B3GNT6: variants seen among roughly 807,000 people sequenced by gnomAD.
B3GNT6 encodes the protein UDP-GlcNAc:betaGal beta-1,3-N-acetylglucosaminyltransferase 6, also known as acetylgalactosaminyl-O-glycosyl-glycoprotein beta-1,3-N-acetylglucosaminyltransferase.
For missense variants in B3GNT6, 624 were observed against 568.6 expected (o/e 1.10, Z -0.99); for synonymous variants, 300 against 270.0 (o/e 1.11, Z -1.09).
intron 1 of B3GNT6, among the ~76,000 whole-genome samples, chr11:77,036,613 T>C (rs542318763): frequency 7.9e-5 from 12 of 152,362 alleles, no homozygotes; most frequent in Non-Finnish European, 1.5e-4. Context: ...CCAAGGACCA[T>C]AGTAAATTCT....
Position 77,039,751 on chromosome 11 carries a change from G to A in B3GNT6, c.200G>A (p.Gly67Glu). The change falls in exon 2 of 2, where the codon GGG (glycine) becomes GAG (glutamate). Residue 67 changes from glycine to glutamate, a missense_variant. Transcript: ENST00000622824. ...GAGCCGCCCTCGGAGCTCGTCCCCG[G>A]GCCCCCGTGCGTGGCGAACGCCTCG... ...ADEPPSELVP[G>E]PPCVANASAN... 1.9e-6 allele frequency: 3 copies of A among 1,596,666 alleles called. No individual in the cohort carries two copies. Among genetic ancestry groups the A allele is most frequent in the South Asian group, 1.1e-5 (1 of 90,096 alleles).
intron 1 of B3GNT6, among the ~76,000 whole-genome samples, chr11:77,036,968 C>T (rs955197148): frequency 3.3e-5 from 5 of 152,126 alleles, no homozygotes; most frequent in African/African-American, 1.2e-4. Flanking sequence ...CAAGTGGACC[C>T]AGAGACTGAG....
rs1555027614 is a variant in B3GNT6 at position 77,040,154 on chromosome 11, C to A, written c.603C>A (p.His201Gln). The change falls in exon 2 of 2, where the codon CAC (histidine) becomes CAA (glutamine). Residue 201 changes from histidine (H) to glutamine (Q), a missense_variant. His to Gln is a conservative substitution (Grantham distance 24). Coordinates refer to ENST00000622824, the MANE Select transcript of B3GNT6 (RefSeq NM_138706.5). ...CCTTCCTCAACCTCACGCTCAAGCA[C>A]CTGCACTTGCTCGACTGGCTGGCTG... Reference protein sequence around the residue: ...ADTFLNLTLKHLHLLDWLAAR... With the variant: ...ADTFLNLTLKQLHLLDWLAAR... The A allele has an allele frequency of 1.3e-6, 2 of 1,599,368 alleles. No individual in the cohort carries two copies. Among genetic ancestry groups the A allele is most frequent in the East Asian group, 2.2e-5 (1 of 44,842 alleles).
Position 77,039,696 on chromosome 11 carries a change from G to A in B3GNT6, c.145G>A (p.Glu49Lys), listed in dbSNP as rs782108962. 9 of 1,610,842 alleles carry A rather than the reference G, an allele frequency of 5.6e-6. No homozygotes were observed. The highest frequency in any genetic ancestry group is 7.6e-6 in the Non-Finnish European group (9 of 1,179,188). The part of the protein sequence containing the change: ...EERSPQEETP[E>K]GPTDAPAADE... ...GAGGTCCCCGCAGGAGGAGACGCCA[G>A]AGGGTCCCACCGACGCTCCCGCGGC... The change falls in exon 2 of 2, where the codon GAG becomes AAG. Residue 49 changes from glutamate (E) to lysine (K), a missense_variant. Physicochemically the swap from Glu to Lys is moderately conservative, Grantham distance 56 (BLOSUM62 1). Coordinates refer to ENST00000622824, the MANE Select transcript of B3GNT6 (RefSeq NM_138706.5).
chr11:77,041,257 C>G lies in B3GNT6; in HGVS notation c.*551C>G, dbSNP rs782122044. ...GAAGTCAGCCAACACGCAGCTGAGGCGCATGTGGTGGCCTTCTTCCCACCA... is the reference window on the plus strand; with the variant it reads ...GAAGTCAGCCAACACGCAGCTGAGGGGCATGTGGTGGCCTTCTTCCCACCA... On this transcript the variant is annotated 3_prime_UTR_variant, in exon 2 of 2. Transcript: ENST00000622824. The G allele has an allele frequency of 6.5e-6, 1 of 153,000 alleles. No homozygotes were observed. Among genetic ancestry groups the G allele is most frequent in the African/African-American group, 2.4e-5 (1 of 41,490 alleles). 9.5% of individuals were successfully genotyped at this position (153,000 alleles called of 1,614,324 possible).
chr11:77,040,574 G>A lies in B3GNT6; in HGVS notation c.1023G>A (p.Gln341=), dbSNP rs781931238. 5 of 1,590,198 alleles carry A rather than the reference G, an allele frequency of 3.1e-6. No homozygotes were observed. The highest frequency in any genetic ancestry group is 4.3e-6 in the Non-Finnish European group (5 of 1,175,644). The change falls in exon 2 of 2, where the codon CAG becomes CAA. Residue 341 remains glutamine (Q), a synonymous_variant. Transcript: ENST00000622824. ...GCGTGCAGCTGCCTGGCGCACAGCA[G>A]TCCTCCTTCGACCCCTGCATGTACC... ...PFGVQLPGAQ[Q]SSFDPCMYRE...
Position 77,040,485 on chromosome 11 carries a change from A to T in B3GNT6, c.934A>T (p.Met312Leu), listed in dbSNP as rs782011076. The change falls in exon 2 of 2, where the codon ATG becomes TTG. Residue 312 changes from methionine (M) to leucine (L), a missense_variant. Physicochemically the swap from Met to Leu is conservative, Grantham distance 15. Transcript: ENST00000622824. ...GCTCTTCCCCATCGACGACGCCTACATGGGCATGTGTCTGGAGCGCGCCGG... is the reference window on the plus strand; with the variant it reads ...GCTCTTCCCCATCGACGACGCCTACTTGGGCATGTGTCTGGAGCGCGCCGG... ...TPLFPIDDAY[M>L]GMCLERAGLA... The T allele has an allele frequency of 6.5e-7, 1 of 1,539,884 alleles. No individual in the cohort carries two copies. The highest frequency in any genetic ancestry group is 2.0e-5 in the Admixed American group (1 of 51,252).
chr11:77,039,907 T>A lies in B3GNT6; in HGVS notation c.356T>A (p.Leu119Gln). The A allele has an allele frequency of 5.0e-6, 8 of 1,592,562 alleles. No individual in the cohort carries two copies. The highest frequency in any genetic ancestry group is 6.8e-6 in the Non-Finnish European group (8 of 1,176,868). Residue 119 changes from leucine to glutamine, a missense_variant, in exon 2 of 2, where the codon CTG (leucine) becomes CAG (glutamine). Physicochemically the swap from Leu to Gln is moderately radical, Grantham distance 113 (BLOSUM62 -2). Transcript: ENST00000622824. Reference sequence around the variant, plus strand: ...TGCGCCGGCGGCCGAGGCGTGTTCCTGCTCCTGGCGGTGAAGTCGGCGCCT... The same window carrying A: ...TGCGCCGGCGGCCGAGGCGTGTTCCAGCTCCTGGCGGTGAAGTCGGCGCCT... ...AKCAGGRGVFLLLAVKSAPEH... is the reference protein window; with the variant it reads ...AKCAGGRGVFQLLAVKSAPEH...
chr11:77,038,674 A>G (rs1019746093), intron 1 of B3GNT6, among the ~76,000 whole-genome samples: 2 of 152,090 alleles, frequency 1.3e-5, no homozygotes, highest in African/African-American at 2.4e-5. Context: ...CTGACCTGGG[A>G]TTCGTCCTGG....
rs782445155 is a variant in B3GNT6 at position 77,039,838 on chromosome 11, G to T, written c.287G>T (p.Arg96Leu). Residue 96 changes from arginine to leucine, a missense_variant, in exon 2 of 2, where the codon CGC becomes CTC. Transcript: ENST00000622824. ...PARIQDFLRYRHCRHFPLLWD... is the reference protein window; with the variant it reads ...PARIQDFLRYLHCRHFPLLWD... Reference sequence around the variant, plus strand: ...CGCATCCAGGACTTCCTGCGGTACCGCCACTGCCGCCACTTCCCGCTGCTT... The same window carrying T: ...CGCATCCAGGACTTCCTGCGGTACCTCCACTGCCGCCACTTCCCGCTGCTT... 19 of 1,576,328 alleles carry T rather than the reference G, an allele frequency of 1.2e-5. No individual in the cohort carries two copies. Among genetic ancestry groups the T allele is most frequent in the Non-Finnish European group, 1.5e-5 (18 of 1,168,596 alleles).
chr11:77,036,302 T>C (rs1555026931), intron 1 of B3GNT6, among the ~76,000 whole-genome samples: 1 of 152,196 alleles, frequency 6.6e-6, no homozygotes, highest in Admixed American at 6.5e-5. Flanking sequence ...TGAAGAGCAA[T>C]ATACTATATA....
Position 77,041,031 on chromosome 11 carries a change from T to C in B3GNT6, c.*325T>C, listed in dbSNP as rs1425358768. On this transcript the variant is annotated 3_prime_UTR_variant, in exon 2 of 2. Coordinates refer to ENST00000622824, the MANE Select transcript of B3GNT6 (RefSeq NM_138706.5). ...GCAAAGCCAGCTCCACCGCCCTCTC[T>C]GCAAGAATTCCGGGCCCCTCGCTCC... 3 of 311,930 alleles carry C rather than the reference T, an allele frequency of 9.6e-6. No individual in the cohort carries two copies. Among genetic ancestry groups the C allele is most frequent in the Non-Finnish European group, 1.7e-5 (3 of 172,716 alleles). 19.3% of individuals were successfully genotyped at this position (311,930 alleles called of 1,614,324 possible). A position where few individuals can be genotyped will look rare whatever the true frequency, so the allele number is the denominator to read the frequency against.
rs140812940 is a variant in B3GNT6, at chr11:77,035,245, T to C, written c.-1+767T>C. ...GCAGTTAGAGGATCACAGAGGAACT[T>C]TATAAAGCTTATAAAGAGGAACTTT... On this transcript the variant is annotated intron_variant, in intron 1 of 1. Transcript: ENST00000622824. Among the ~76,000 whole-genome samples, 9 of 152,252 alleles carry C rather than the reference T, an allele frequency of 5.9e-5. No individual in the cohort carries two copies. The East Asian group carries it at 1.7e-3, about 29-fold the overall frequency.
In B3GNT6 at chr11:77,039,996, C is replaced by T. The variant is rs782486449; in HGVS notation, c.445C>T (p.Arg149Trp). The stretch of plus-strand genomic sequence containing the variant: ...GGGGCAAGAGCGCAGCTACGGCGGG[C>T]GGCCAGTGCGCCGCCTCTTTCTATT... ...TWGQERSYGG[R>W]PVRRLFLLGT... Residue 149 changes from arginine to tryptophan, a missense_variant, in exon 2 of 2, where the codon CGG becomes TGG. Coordinates refer to ENST00000622824, the MANE Select transcript of B3GNT6 (RefSeq NM_138706.5). The T allele has an allele frequency of 2.5e-6, 4 of 1,572,804 alleles. No individual in the cohort carries two copies. The African/African-American group carries it at 5.5e-5, about 21-fold the overall frequency.
At position 77,040,841 on chromosome 11, in the gene B3GNT6, G is replaced by A. The variant is rs1353968027; in HGVS notation, c.*135G>A. 2.2e-6 allele frequency: 3 copies of A among 1,351,070 alleles called. No homozygotes were observed. Among genetic ancestry groups the A allele is most frequent in the Admixed American group, 3.2e-5 (1 of 30,842 alleles). The allele number at this position is 1,351,070 out of a possible 1,614,324, so 83.7% of individuals were successfully genotyped here. A position where few individuals can be genotyped will look rare whatever the true frequency, so the allele number is the denominator to read the frequency against. On this transcript the variant is annotated 3_prime_UTR_variant, in exon 2 of 2. Coordinates refer to ENST00000622824, the MANE Select transcript of B3GNT6 (RefSeq NM_138706.5). ...CAGCTGCGCACTGAAATCAGCTGGGGTGGGGGGTGTGGAAAATGCCTACAT... is the reference window on the plus strand; with the variant it reads ...CAGCTGCGCACTGAAATCAGCTGGGATGGGGGGTGTGGAAAATGCCTACAT...
chr11:77,034,945 G>A (rs180851363), intron 1 of B3GNT6, among the ~76,000 whole-genome samples: 2 of 152,074 alleles, frequency 1.3e-5, no homozygotes, highest in Admixed American at 1.3e-4. Flanking sequence ...GCTCACCTGA[G>A]GTCAGGAGTT....
rs1386096015 is a variant in B3GNT6, at chr11:77,039,503, G to A, written c.1-49G>A. 5 of 1,526,890 alleles carry A rather than the reference G, an allele frequency of 3.3e-6. No homozygotes were observed. The African/African-American group carries it at 5.6e-5, about 17-fold the overall frequency. The allele number at this position is 1,526,890 out of a possible 1,614,324, so 94.6% of individuals were successfully genotyped here. A position where few individuals can be genotyped will look rare whatever the true frequency, so the allele number is the denominator to read the frequency against. ...GACGGGGTACGGGTGGTGTCCTGCC[G>A]GTGTCAAAGACGACTTCCGGCTCAC... On this transcript the variant is annotated intron_variant, in intron 1 of 1. Coordinates refer to ENST00000622824, the MANE Select transcript of B3GNT6 (RefSeq NM_138706.5).
At chr11:77,039,127 G>C (rs1949662054) in intron 1 of B3GNT6, among the ~76,000 whole-genome samples, 2 of 152,172 alleles carry the variant, frequency 1.3e-5, no homozygotes, top group Admixed American at 6.5e-5. Flanking sequence ...GAATAAATGA[G>C]AGGGATGTAG....
At position 77,039,772 on chromosome 11, in the gene B3GNT6, C is replaced by A. The variant is rs1236980598; in HGVS notation, c.221C>A (p.Ala74Asp). The part of the protein sequence containing the change: ...LVPGPPCVAN[A>D]SANATADFEQ... ...CCCGGGCCCCCGTGCGTGGCGAACGCCTCGGCGAACGCCACGGCCGACTTC... is the reference window on the plus strand; with the variant it reads ...CCCGGGCCCCCGTGCGTGGCGAACGACTCGGCGAACGCCACGGCCGACTTC... Residue 74 changes from alanine to aspartate, a missense_variant, in exon 2 of 2, where the codon GCC (alanine) becomes GAC (aspartate). Transcript: ENST00000622824. 12 of 1,587,266 alleles carry A rather than the reference C, an allele frequency of 7.6e-6. No homozygotes were observed. The East Asian group carries it at 2.1e-4, about 27-fold the overall frequency.
Sources: allele counts gnomAD v4.1 joint callset (sites outside exome capture counted in the v4.1 genomes callset), GRCh38; gene constraint gnomAD v4.1.1; transcripts MANE v1.5; gene names NCBI Gene and HGNC (gene_info 2026-07-23, HGNC 2026-07-21).